The following DCHS2 variants were observed in gnomAD, a reference collection of about 807,000 sequenced individuals.
DCHS2 encodes dachsous cadherin-related 2.
A neutral mutation model predicts 182.4 loss-of-function variants in DCHS2; 142 were observed. That is an observed-to-expected ratio of 0.78 (90% CI 0.68 to 0.89). The LOEUF (loss-of-function observed/expected upper bound fraction) is 0.89, where lower values mean the gene tolerates loss of function less well. DCHS2 is among the 40% of genes least tolerant of loss of function. The pLI is 0.00. For synonymous variants in DCHS2, 1,740 were observed against 1,663.3 expected (o/e 1.05, Z -1.12); for missense variants, 4,319 against 4,198.6 (o/e 1.03, Z -0.79).
intron 3 of DCHS2, among the ~76,000 whole-genome samples, chr4:154,348,597 C>G (rs781219651): frequency 2.0e-5 from 3 of 151,700 alleles, no homozygotes; most frequent in Non-Finnish European, 4.4e-5. Flanking sequence ...ATCCAATGAC[C>G]GGTGTCCACA....
rs141234530 is a variant in DCHS2, at chr4:154,447,135, T to C, written c.2052+42169A>G. ...GGCGAAACCCCATCTCTACTAAAAATACAAAAACTAGCCGGACATGGTGGT... is the reference window on the plus strand; with the variant it reads ...GGCGAAACCCCATCTCTACTAAAAACACAAAAACTAGCCGGACATGGTGGT... On this transcript the variant is annotated intron_variant, in intron 1 of 19. Coordinates refer to ENST00000357232, the MANE Select transcript of DCHS2 (RefSeq NM_001358235.2). Among the ~76,000 whole-genome samples the C allele has an allele frequency of 9.2e-5, 14 of 152,018 alleles. No homozygotes were observed. The East Asian group carries it at 2.7e-3, about 29-fold the overall frequency.
chr4:154,306,511 A>G (rs1379446899), intron 10 of DCHS2, among the ~76,000 whole-genome samples: 1 of 152,072 alleles, frequency 6.6e-6, no homozygotes, highest in Non-Finnish European at 1.5e-5. Context: ...TAAAAATGGG[A>G]ACAATATTAT....
intron 1 of DCHS2, among the ~76,000 whole-genome samples, chr4:154,433,653 C>G (rs546427502): frequency 1.3e-5 from 2 of 152,246 alleles, no homozygotes; most frequent in East Asian, 1.9e-4. Context: ...CTCAGCCTCC[C>G]AAAGTGCTGG....
At chr4:154,346,282 TTA>T (rs1196746389) in intron 3 of DCHS2, among the ~76,000 whole-genome samples, 1 of 152,124 alleles carries the variant, frequency 6.6e-6, no homozygotes, top group Non-Finnish European at 1.5e-5. Flanking sequence ...CTGTAACCAT[TTA>T]TAGTGTGTGC....
intron 1 of DCHS2, among the ~76,000 whole-genome samples, chr4:154,400,651 A>C (rs1732134379): frequency 6.6e-6 from 1 of 152,226 alleles, no homozygotes; most frequent in African/African-American, 2.4e-5. Flanking sequence ...GATAATGAGA[A>C]TCTATATGCT....
chr4:154,278,990 A>C (rs1452516978), intron 13 of DCHS2, among the ~76,000 whole-genome samples: 1 of 152,182 alleles, frequency 6.6e-6, no homozygotes, highest in Non-Finnish European at 1.5e-5. Flanking sequence ...GTGATGAAAA[A>C]ATCACTTTTA....
intron 14 of DCHS2, among the ~76,000 whole-genome samples, chr4:154,260,159 CAT>C (rs1423272896): frequency 1.3e-5 from 2 of 152,308 alleles, no homozygotes; most frequent in Admixed American, 6.5e-5. Context: ...ATCTTTGCCT[CAT>C]GTGCTCACAG....
Position 154,304,892 on chromosome 4 carries a change from C to T in DCHS2, c.5396-14G>A. 1 of 1,594,122 alleles carries T rather than the reference C, an allele frequency of 6.3e-7. No homozygotes were observed. The highest frequency in any genetic ancestry group is 2.2e-5 in the East Asian group (1 of 44,570). ...CTCGTACTAGTACTGACACAGAACACAAAGACGGTATGAATTGTGGCCTTT... is the reference window on the plus strand; with the variant it reads ...CTCGTACTAGTACTGACACAGAACATAAAGACGGTATGAATTGTGGCCTTT... On this transcript the variant is annotated splice_polypyrimidine_tract_variant and intron_variant, in intron 11 of 19. Transcript: ENST00000357232.
At chr4:154,274,893 C>A (rs1478874516) in intron 13 of DCHS2, among the ~76,000 whole-genome samples, 1 of 151,618 alleles carries the variant, frequency 6.6e-6, no homozygotes, top group African/African-American at 2.4e-5. Flanking sequence ...TTAGAAAAAA[C>A]AAACAAAATA....
chr4:154,422,791 G>A lies in DCHS2; in HGVS notation c.2053-45347C>T, dbSNP rs537101889. On this transcript the variant is annotated intron_variant, in intron 1 of 19. Coordinates refer to ENST00000357232, the MANE Select transcript of DCHS2 (RefSeq NM_001358235.2). ...ATGTTCTATGTGCTTCCTGCCATAG[G>A]CCCCAAGCAATGCCACCCTTTCTGC... is the stretch of plus-strand genomic sequence containing the variant. Among the ~76,000 whole-genome samples the A allele has an allele frequency of 3.8e-3, 574 of 152,138 alleles. 6 individuals are homozygous for A. The highest frequency in any genetic ancestry group is 0.013 in the African/African-American group (549 of 41,516).
Position 154,298,446 on chromosome 4 carries a change from T to C in DCHS2, c.5868A>G (p.Ser1956=), listed in dbSNP as rs1469997191. 1 of 1,614,160 alleles carries C rather than the reference T, an allele frequency of 6.2e-7. No individual in the cohort carries two copies. Among genetic ancestry groups the C allele is most frequent in the Admixed American group, 1.7e-5 (1 of 60,016 alleles). ...TCAGGCCTTCATCCTTGTCCACAGC[T>C]GAAAGCACAAGAACCACTGTTCCCA... ...AEVGTVVLVL[S]AVDKDEGLNG... Residue 1956 remains serine (S), a synonymous_variant, in exon 13 of 20, where the codon TCA becomes TCG. Coordinates refer to ENST00000357232, the MANE Select transcript of DCHS2 (RefSeq NM_001358235.2).
intron 1 of DCHS2, among the ~76,000 whole-genome samples, chr4:154,466,643 C>T (rs749940050): frequency 3.3e-5 from 5 of 152,142 alleles, no homozygotes; most frequent in Admixed American, 3.3e-4. Context: ...ATGCTAAGTG[C>T]ATTTCATCTT....
At position 154,236,522 on chromosome 4, in the gene DCHS2, C is replaced by A; in HGVS notation, c.8130G>T (p.Lys2710Asn). ...TGTTTTCTTCTAAGTAAAAATGTCC[C>A]TTCTCATTTCCAGAGATGATGTTGT... ...IIYNIISGNE[K>N]GHFYLEENTG... Residue 2710 changes from lysine (K) to asparagine (N), a missense_variant, in exon 20 of 20, where the codon AAG (lysine) becomes AAT (asparagine). By Grantham distance (94) the Lys-to-Asn change is moderately conservative. Transcript: ENST00000357232. 1 of 1,613,974 alleles carries A rather than the reference C, an allele frequency of 6.2e-7. No individual in the cohort carries two copies. Among genetic ancestry groups the A allele is most frequent in the Non-Finnish European group, 8.5e-7 (1 of 1,179,958 alleles).
At chr4:154,380,058 C>T (rs1731099488) in intron 1 of DCHS2, among the ~76,000 whole-genome samples, 1 of 152,104 alleles carries the variant, frequency 6.6e-6, no homozygotes, top group Non-Finnish European at 1.5e-5. Flanking sequence ...TCCTACAATG[C>T]ATAAGATAGA....
chr4:154,368,161 A>G (rs760964148), intron 2 of DCHS2, among the ~76,000 whole-genome samples: 2 of 152,058 alleles, frequency 1.3e-5, no homozygotes, highest in Non-Finnish European at 2.9e-5. Flanking sequence ...ATCTGCAGCC[A>G]CCCTAAGTAA....
chr4:154,269,813 C>G, intron 14 of DCHS2, 87 bp downstream of exon 14: 1 of 1,499,686 alleles, frequency 6.7e-7, no homozygotes, highest in Non-Finnish European at 9.0e-7. Context: ...AATTACTTAG[C>G]TCTAACAATT....
chr4:154,332,527 T>C lies in DCHS2; in HGVS notation c.3681A>G (p.Leu1227=), dbSNP rs370235209. Residue 1227 remains leucine, a synonymous_variant, in exon 5 of 20, where the codon TTA becomes TTG. Transcript: ENST00000357232. ...ATTTTCCATCAGACAAAAGGAAATA[T>C]AATAGCTGTCCATTCTTTCCAGAGT... The part of the protein sequence containing the change: ...DMDSGKNGQL[L]YFLLSDGKFF... 214 of 1,614,152 alleles carry C rather than the reference T, an allele frequency of 1.3e-4. 2 individuals are homozygous for C. In the South Asian group the frequency reaches 1.4e-3, roughly 11 times the overall value.
At chr4:154,269,451 TAC>T (rs1480644643) in intron 14 of DCHS2, 1 of 158,772 alleles carries the variant, frequency 6.3e-6, no homozygotes, top group African/African-American at 2.4e-5. Flanking sequence ...GTAATTTCTT[TAC>T]CACTGTGTAG....
chr4:154,412,562 T>C (rs6851087), intron 1 of DCHS2, among the ~76,000 whole-genome samples: 100,655 of 151,904 alleles, frequency 0.66, 33,973 homozygotes, highest in East Asian at 0.98. Flanking sequence ...GAAATCTTAT[T>C]CACACTTGAT....
Sources: allele counts gnomAD v4.1 joint callset (sites outside exome capture counted in the v4.1 genomes callset), GRCh38; gene constraint gnomAD v4.1.1; transcripts MANE v1.5; gene names NCBI Gene and HGNC (gene_info 2026-07-23, HGNC 2026-07-21).